The following BBX variants were observed in gnomAD, a reference collection of about 807,000 sequenced individuals.
BBX encodes the protein BBX high mobility group box domain containing, also known as HMG box transcription factor BBX.
In BBX, 30 loss-of-function variants were observed where a neutral mutation model predicts 100.2. The observed-to-expected ratio is 0.30, with a 90% CI of 0.22 to 0.41. BBX has a LOEUF of 0.41. Among genes scored for constraint, BBX ranks in the 10% least tolerant of loss-of-function variants. BBX has a pLI of 1.00. For synonymous variants in BBX, 376 were observed against 388.1 expected (o/e 0.97, Z 0.37); for missense variants, 1,023 against 1,129.8 (o/e 0.91, Z 1.35).
At chr3:107,635,079 G>T (rs1425178451) in intron 2 of BBX, among the ~76,000 whole-genome samples, 3 of 152,134 alleles carry the variant, frequency 2.0e-5, no homozygotes, top group African/African-American at 7.2e-5. Flanking sequence ...CATATATATT[G>T]TATGATACCC....
In BBX at chr3:107,696,306, A is replaced by G. The variant is rs566949585; in HGVS notation, c.-9-14146A>G. Among the ~76,000 whole-genome samples, 61 of 151,854 alleles carry G rather than the reference A, an allele frequency of 4.0e-4. 1 individual carries two copies. Among genetic ancestry groups the G allele is most frequent in the Non-Finnish European group, 7.2e-4 (49 of 68,014 alleles). ...TCTTCCTAGTCTCAATGGTCTTTAC[A>G]TTTTGGCATGATTTTGCAGTGGCTG... is the stretch of plus-strand genomic sequence containing the variant. On this transcript the variant is annotated intron_variant, in intron 3 of 17. Transcript: ENST00000325805.
At position 107,808,276 on chromosome 3, in the gene BBX, T is replaced by C. The variant is rs1011139469; in HGVS notation, c.*2819T>C. The C allele has an allele frequency of 6.6e-6, 1 of 152,174 alleles. No homozygotes were observed. The highest frequency in any genetic ancestry group is 1.5e-5 in the Non-Finnish European group (1 of 68,030). 9.4% of individuals were successfully genotyped at this position (152,174 alleles called of 1,614,324 possible). A position where few individuals can be genotyped will look rare whatever the true frequency, so the allele number is the denominator to read the frequency against. ...TATATATATCTCAAGCAAACCAAAA[T>C]ATGATGCTCTTCTGCTTTGTTTTAT... On this transcript the variant is annotated 3_prime_UTR_variant, in exon 18 of 18. Transcript: ENST00000325805.
chr3:107,665,018 C>G (rs1312258011), intron 3 of BBX, among the ~76,000 whole-genome samples: 2 of 152,168 alleles, frequency 1.3e-5, no homozygotes, highest in Non-Finnish European at 2.9e-5. Flanking sequence ...TCCTCCTAAT[C>G]TCGTAATGGG....
chr3:107,682,879 G>A (rs931600867), intron 3 of BBX, among the ~76,000 whole-genome samples: 1 of 152,154 alleles, frequency 6.6e-6, no homozygotes, highest in African/African-American at 2.4e-5. Context: ...ACTTTCCACT[G>A]CAGCATATTG....
chr3:107,700,414 C>CATT lies in BBX; in HGVS notation c.-9-9999_-9-9997dup, dbSNP rs71113690. Among the ~76,000 whole-genome samples, 174 of 70,094 alleles carry CATT rather than the reference C, an allele frequency of 2.5e-3. 2 individuals are homozygous for CATT. The highest frequency in any genetic ancestry group is 5.1e-3 in the African/African-American group (158 of 30,816). The allele number at this position is 70,094 out of a possible 152,430, so 46.0% of individuals were successfully genotyped here. A position where few individuals can be genotyped will look rare whatever the true frequency, so the allele number is the denominator to read the frequency against. On this transcript the variant is annotated intron_variant, in intron 3 of 17. Transcript: ENST00000325805. ...AGGCAAAGGTATTTTCTTTCATCAT[C>CATT]ATTATTATTATTATTATTATTATTA...
At chr3:107,660,505 T>TAAAAAAAAAAAAAAAAAAAA in intron 3 of BBX, among the ~76,000 whole-genome samples, 1 of 101,322 alleles carries the variant, frequency 9.9e-6, no homozygotes, top group Non-Finnish European at 2.0e-5. Context: ...CAAAAAGCAT[T>TAAAAAAAAAAAAAAAAAAAA]AAAAAAAAAA....
chr3:107,677,124 T>C (rs2059321837), intron 3 of BBX, among the ~76,000 whole-genome samples: 2 of 152,078 alleles, frequency 1.3e-5, no homozygotes, highest in Admixed American at 1.3e-4. Context: ...ATTCCTGATA[T>C]GTTCTCAAAC....
At chr3:107,717,963 G>A (rs1398111244) in intron 5 of BBX, among the ~76,000 whole-genome samples, 1 of 151,678 alleles carries the variant, frequency 6.6e-6, no homozygotes, top group Non-Finnish European at 1.5e-5. Flanking sequence ...ACAAAATACA[G>A]AGTTTCAAGA....
At chr3:107,641,378 C>A (rs1416358014) in intron 2 of BBX, among the ~76,000 whole-genome samples, 1 of 152,158 alleles carries the variant, frequency 6.6e-6, no homozygotes, top group Non-Finnish European at 1.5e-5. Flanking sequence ...AGCCACCAAG[C>A]CTTGCCGGTC....
At chr3:107,579,577 G>C (rs549125457) in intron 2 of BBX, among the ~76,000 whole-genome samples, 1 of 152,338 alleles carries the variant, frequency 6.6e-6, no homozygotes, top group East Asian at 1.9e-4. Context: ...AGAGCCTGGC[G>C]GGTCTTTTCA....
chr3:107,737,854 G>A (rs986332411), intron 7 of BBX, among the ~76,000 whole-genome samples: 4 of 137,086 alleles, frequency 2.9e-5, no homozygotes, highest in South Asian at 2.4e-4. Flanking sequence ...TATTCAAAAC[G>A]CTTGGGACCA....
At chr3:107,725,769 G>A (rs913386397) in intron 5 of BBX, among the ~76,000 whole-genome samples, 1 of 152,008 alleles carries the variant, frequency 6.6e-6, no homozygotes, top group Admixed American at 6.6e-5. Flanking sequence ...CCACATGTAA[G>A]TCAGGAACTA....
At chr3:107,611,657 A>G (rs2054858384) in intron 2 of BBX, among the ~76,000 whole-genome samples, 1 of 151,888 alleles carries the variant, frequency 6.6e-6, no homozygotes, top group Admixed American at 6.6e-5. Flanking sequence ...TGTTTTTAGG[A>G]TCCTTTCTTT....
At chr3:107,563,368 G>A (rs1397651793) in intron 2 of BBX, among the ~76,000 whole-genome samples, 1 of 152,162 alleles carries the variant, frequency 6.6e-6, no homozygotes. Flanking sequence ...CACAAGGAGT[G>A]TACAAATATC....
At chr3:107,575,960 C>T (rs978503977) in intron 2 of BBX, among the ~76,000 whole-genome samples, 5 of 152,114 alleles carry the variant, frequency 3.3e-5, no homozygotes, top group Non-Finnish European at 5.9e-5. Context: ...CAGTTGAACC[C>T]GGCAGGTCGA....
chr3:107,574,060 A>C lies in BBX; in HGVS notation c.-84+47662A>C, dbSNP rs140517216. On this transcript the variant is annotated intron_variant, in intron 2 of 17. Transcript: ENST00000325805. ...TTTATAAGTATTCTTATGTTTGTTC[A>C]GACCATGTATCTCTATTTTTGGTTT... 8.7e-3 allele frequency among the ~76,000 whole-genome samples: 1,330 copies of C among 152,372 alleles called. 26 individuals are homozygous for C. Among genetic ancestry groups the C allele is most frequent in the African/African-American group, 0.03 (1,268 of 41,588 alleles).
intron 2 of BBX, among the ~76,000 whole-genome samples, chr3:107,608,852 T>A (rs780007146): frequency 6.6e-6 from 1 of 152,210 alleles, no homozygotes; most frequent in Non-Finnish European, 1.5e-5. Flanking sequence ...TTTTTTGACT[T>A]CTTTTTCAGA....
chr3:107,609,232 A>G (rs911310698), intron 2 of BBX, among the ~76,000 whole-genome samples: 1 of 152,166 alleles, frequency 6.6e-6, no homozygotes, highest in African/African-American at 2.4e-5. Context: ...CCTGGGGTAA[A>G]TCACACTTGA....
intron 7 of BBX, among the ~76,000 whole-genome samples, chr3:107,735,051 T>TC (rs1460495369): frequency 6.6e-6 from 1 of 152,136 alleles, no homozygotes; most frequent in African/African-American, 2.4e-5. Context: ...ATTCAGTATT[T>TC]CCCATCTCAG....
Sources: gnomAD v4.1 joint callset for allele counts (sites outside exome capture counted in the v4.1 genomes callset) on GRCh38, gnomAD v4.1.1 for gene constraint, MANE v1.5 for transcripts, NCBI Gene and HGNC (gene_info 2026-07-23, HGNC 2026-07-21) for gene names.